The following JPH1 variants were observed in gnomAD, a reference collection of about 807,000 sequenced individuals.
JPH1 encodes junctophilin 1.
JPH1 carries 12 observed loss-of-function variants against 53.6 expected under a neutral mutation model. The observed-to-expected ratio is 0.22, with a 90% CI of 0.14 to 0.36. The LOEUF (loss-of-function observed/expected upper bound fraction) is 0.36, where lower values mean the gene tolerates loss of function less well. Ranked by LOEUF, JPH1 falls within the 10% of genes least tolerant of loss-of-function variation. JPH1 has a pLI of 1.00. For missense variants in JPH1, 808 were observed against 905.5 expected (o/e 0.89, Z 1.38); for synonymous variants, 375 against 363.8 (o/e 1.03, Z -0.35).
Position 74,307,826 on chromosome 8 carries a change from T to C in JPH1, c.1139+7035A>G, listed in dbSNP as rs1268168620. Among the ~76,000 whole-genome samples, 81 of 152,216 alleles carry C rather than the reference T, an allele frequency of 5.3e-4. 2 individuals are homozygous for C. The highest frequency in any genetic ancestry group is 4.4e-5 in the Non-Finnish European group (3 of 68,046). ...CAGCTTTGACTTGCAAAAGATCCCC[T>C]TGTTGAGAATAATTTAAGAATTTCA... On this transcript the variant is annotated intron_variant, in intron 2 of 5. Transcript: ENST00000342232.
rs566894290 is a variant in JPH1 at position 74,241,503 on chromosome 8, TAAA to T, written c.1905+3023_1905+3025del. Among the ~76,000 whole-genome samples the T allele has an allele frequency of 6.8e-4, 103 of 151,938 alleles. 1 individual carries two copies. The highest frequency in any genetic ancestry group is 2.3e-3 in the African/African-American group (96 of 41,444). Reference sequence around the variant, plus strand: ...AGAAATTTTCCAGGTGGTAAGAAAATAAAAAACAGGAAATCAAAATACAGAAAG... The same window carrying T: ...AGAAATTTTCCAGGTGGTAAGAAAATAAACAGGAAATCAAAATACAGAAAG... On this transcript the variant is annotated intron_variant, in intron 4 of 5. Transcript: ENST00000342232.
chr8:74,272,764 C>T (rs1341588272), intron 2 of JPH1, among the ~76,000 whole-genome samples: 6 of 152,000 alleles, frequency 3.9e-5, no homozygotes, highest in African/African-American at 1.4e-4. Context: ...CCACCATGCC[C>T]GGCTAATTTT....
chr8:74,262,010 G>A (rs895818147), intron 2 of JPH1, among the ~76,000 whole-genome samples: 1 of 152,202 alleles, frequency 6.6e-6, no homozygotes, highest in Admixed American at 6.5e-5. Flanking sequence ...CATCAGTGAA[G>A]CCTGCTAGTA....
intron 4 of JPH1, among the ~76,000 whole-genome samples, chr8:74,238,346 A>G (rs1805596349): frequency 6.6e-6 from 1 of 152,122 alleles, no homozygotes; most frequent in South Asian, 2.1e-4. Flanking sequence ...ACACTAATCA[A>G]TTCGGGTCTA....
chr8:74,250,435 A>C (rs1376081899), intron 3 of JPH1, among the ~76,000 whole-genome samples: 1 of 152,176 alleles, frequency 6.6e-6, no homozygotes, highest in Non-Finnish European at 1.5e-5. Flanking sequence ...GCCTAGCCTA[A>C]AAAGAAACTG....
Position 74,315,691 on chromosome 8 carries a change from A to C in JPH1, c.380-71T>G. 1 of 1,428,496 alleles carries C rather than the reference A, an allele frequency of 7.0e-7. No individual in the cohort carries two copies. The highest frequency in any genetic ancestry group is 2.3e-5 in the Admixed American group (1 of 43,144). The allele number at this position is 1,428,496 out of a possible 1,614,324, so 88.5% of individuals were successfully genotyped here. A position where few individuals can be genotyped will look rare whatever the true frequency, so the allele number is the denominator to read the frequency against. On this transcript the variant is annotated intron_variant, in intron 1 of 5. Coordinates refer to ENST00000342232, the MANE Select transcript of JPH1 (RefSeq NM_020647.4). This position sits in a 1 kb window ranked among gnomAD's most constrained non-coding sequence, Gnocchi z 6.3. ...CACCGTCACCTGCACCATCCAGCGC[A>C]CACTGGCGCAGGCCTGCCCAAGGTC... is the stretch of plus-strand genomic sequence containing the variant.
chr8:74,261,039 A>T (rs1275982281), intron 2 of JPH1, among the ~76,000 whole-genome samples: 1 of 152,214 alleles, frequency 6.6e-6, no homozygotes, highest in Non-Finnish European at 1.5e-5. Context: ...ACTGAATGGA[A>T]TGACAAAACC....
intron 1 of JPH1, among the ~76,000 whole-genome samples, chr8:74,319,821 C>T (rs1309679049): frequency 6.6e-6 from 1 of 152,190 alleles, no homozygotes; most frequent in African/African-American, 2.4e-5. Context: ...TTATGTTTAT[C>T]AGGAAATGCA....
At chr8:74,272,894 G>A (rs567955370) in intron 2 of JPH1, among the ~76,000 whole-genome samples, 3 of 152,052 alleles carry the variant, frequency 2.0e-5, no homozygotes, top group South Asian at 2.1e-4. Context: ...GTGAGCCACC[G>A]CGCCCGGCCG....
Position 74,280,287 on chromosome 8 carries a change from T to G in JPH1, c.1140-20784A>C, listed in dbSNP as rs1159754341. On this transcript the variant is annotated intron_variant, in intron 2 of 5. Coordinates refer to ENST00000342232, the MANE Select transcript of JPH1 (RefSeq NM_020647.4). Reference sequence around the variant, plus strand: ...TAATAGAACCATACAGGGTGCAAAGTACAAATATCCCTAATGGACTGGGCA... The same window carrying G: ...TAATAGAACCATACAGGGTGCAAAGGACAAATATCCCTAATGGACTGGGCA... Among the ~76,000 whole-genome samples, 2 of 152,176 alleles carry G rather than the reference T, an allele frequency of 1.3e-5. 1 individual carries two copies. The highest frequency in any genetic ancestry group is 6.3e-3 in the Middle Eastern group (2 of 316).
intron 2 of JPH1, among the ~76,000 whole-genome samples, chr8:74,296,320 C>T (rs1385738189): frequency 1.3e-5 from 2 of 152,222 alleles, no homozygotes; most frequent in East Asian, 3.9e-4. Context: ...CTTTCTTTCC[C>T]AGAGTGGTAT....
At chr8:74,269,919 C>G (rs1015809901) in intron 2 of JPH1, among the ~76,000 whole-genome samples, 1 of 152,228 alleles carries the variant, frequency 6.6e-6, no homozygotes, top group African/African-American at 2.4e-5. Flanking sequence ...TCTAGCTATA[C>G]ATTTTTCTTT....
intron 2 of JPH1, among the ~76,000 whole-genome samples, chr8:74,312,975 AGAGAGAACAT>A (rs1808039676): frequency 1.3e-5 from 2 of 152,244 alleles, no homozygotes; most frequent in Non-Finnish European, 2.9e-5. Flanking sequence ...GACTTGCAAC[AGAGAGAACAT>A]GGCTAGGACT....
chr8:74,282,996 G>T (rs1201362242), intron 2 of JPH1, among the ~76,000 whole-genome samples: 1 of 152,122 alleles, frequency 6.6e-6, no homozygotes, highest in East Asian at 1.9e-4. Flanking sequence ...TTTACTAGAG[G>T]TATTTTAATG....
chr8:74,251,173 T>C (rs551887302), intron 3 of JPH1, among the ~76,000 whole-genome samples: 2 of 152,190 alleles, frequency 1.3e-5, no homozygotes, highest in Non-Finnish European at 2.9e-5. Flanking sequence ...GTGAGAGCAG[T>C]CTTCCAAGGT....
chr8:74,251,311 A>G (rs1806052134), intron 3 of JPH1, among the ~76,000 whole-genome samples: 1 of 152,144 alleles, frequency 6.6e-6, no homozygotes, highest in South Asian at 2.1e-4. Flanking sequence ...TAACCCAATC[A>G]GGTTACAAGG....
intron 3 of JPH1, among the ~76,000 whole-genome samples, chr8:74,251,981 C>A (rs992976191): frequency 6.6e-6 from 1 of 152,070 alleles, no homozygotes; most frequent in African/African-American, 2.4e-5. Flanking sequence ...GAGACATAGA[C>A]CAATGGAACA....
chr8:74,263,648 A>G (rs1006087284), intron 2 of JPH1, among the ~76,000 whole-genome samples: 1 of 152,102 alleles, frequency 6.6e-6, no homozygotes, highest in Non-Finnish European at 1.5e-5. Flanking sequence ...GCCATTTCAC[A>G]TGCTCTGGTT....
At chr8:74,289,481 TAAG>T (rs1807260355) in intron 2 of JPH1, among the ~76,000 whole-genome samples, 1 of 152,228 alleles carries the variant, frequency 6.6e-6, no homozygotes, top group Non-Finnish European at 1.5e-5. Context: ...AGTAGCACAC[TAAG>T]AACTGGTGTT....
Sources: allele counts gnomAD v4.1 joint callset (sites outside exome capture counted in the v4.1 genomes callset), GRCh38; gene constraint gnomAD v4.1.1; non-coding constraint Gnocchi (gnomAD v3.1); transcripts MANE v1.5; gene names NCBI Gene and HGNC (gene_info 2026-07-23, HGNC 2026-07-21).